UNC5D: variants seen among roughly 807,000 people sequenced by gnomAD.
UNC5D encodes netrin receptor UNC5D.
In UNC5D, 39 loss-of-function variants were observed where a neutral mutation model predicts 105.4. The observed-to-expected ratio is 0.37, with a 90% CI of 0.29 to 0.48. The LOEUF is 0.48. Among genes scored for constraint, UNC5D ranks in the 20% least tolerant of loss-of-function variants. UNC5D has a pLI of 0.98. For missense variants in UNC5D, 991 were observed against 1,202.4 expected (o/e 0.82, Z 2.60); for synonymous variants, 452 against 450.4 (o/e 1.00, Z -0.04).
chr8:35,270,887 TA>T (rs1805233315), intron 1 of UNC5D, among the ~76,000 whole-genome samples: 1 of 150,758 alleles, frequency 6.6e-6, no homozygotes, highest in Non-Finnish European at 1.5e-5. Flanking sequence ...AATCACTATT[TA>T]TTTCTTTAAC....
chr8:35,715,753 G>A (rs1327903812), intron 8 of UNC5D, among the ~76,000 whole-genome samples: 1 of 151,756 alleles, frequency 6.6e-6, no homozygotes, highest in Non-Finnish European at 1.5e-5. Flanking sequence ...AGAGAATAAT[G>A]AATGAGGCCA....
At chr8:35,694,815 A>G (rs923394276) in intron 7 of UNC5D, among the ~76,000 whole-genome samples, 10 of 152,084 alleles carry the variant, frequency 6.6e-5, no homozygotes, top group African/African-American at 2.4e-4. Context: ...TCCTGGGTTC[A>G]AGTGATCCTC....
intron 4 of UNC5D, among the ~76,000 whole-genome samples, chr8:35,618,900 C>T (rs1205384275): frequency 6.6e-6 from 1 of 152,122 alleles, no homozygotes; most frequent in Non-Finnish European, 1.5e-5. Flanking sequence ...CACATTACTC[C>T]CTGCCCCTCC....
intron 1 of UNC5D, among the ~76,000 whole-genome samples, chr8:35,400,225 C>CA (rs1804369534): frequency 6.8e-6 from 1 of 148,116 alleles, no homozygotes; most frequent in African/African-American, 2.5e-5. Flanking sequence ...AGTTGAGATC[C>CA]TTTTTTTTTT....
At chr8:35,414,128 T>C (rs1805383173) in intron 1 of UNC5D, among the ~76,000 whole-genome samples, 1 of 152,136 alleles carries the variant, frequency 6.6e-6, no homozygotes, top group Non-Finnish European at 1.5e-5. Context: ...AATTCTACTG[T>C]TTAATTTTTT....
intron 16 of UNC5D, among the ~76,000 whole-genome samples, chr8:35,784,473 G>A (rs936520917): frequency 1.8e-4 from 27 of 152,260 alleles, no homozygotes; most frequent in Middle Eastern, 3.4e-3. Flanking sequence ...TTTAGGCCAG[G>A]CACGACAGCT....
chr8:35,613,453 TAGC>T (rs1820826143), intron 4 of UNC5D, among the ~76,000 whole-genome samples: 1 of 152,222 alleles, frequency 6.6e-6, no homozygotes, highest in Admixed American at 6.5e-5. Context: ...TCTGGCCAAT[TAGC>T]AGCCTCACCT....
intron 1 of UNC5D, among the ~76,000 whole-genome samples, chr8:35,356,986 G>A (rs1485800283): frequency 6.6e-6 from 1 of 152,070 alleles, no homozygotes. Context: ...ATTTCTAGAA[G>A]TTTTCATTTA....
intron 1 of UNC5D, among the ~76,000 whole-genome samples, chr8:35,364,836 ATGCT>A (rs1413389894): frequency 6.6e-6 from 1 of 152,204 alleles, no homozygotes; most frequent in Non-Finnish European, 1.5e-5. Flanking sequence ...TATAAATGAT[ATGCT>A]TGCTTATTTG....
Position 35,442,221 on chromosome 8 carries a change from T to G in UNC5D, c.104-107071T>G, listed in dbSNP as rs192955703. On this transcript the variant is annotated intron_variant, in intron 1 of 16. Coordinates refer to ENST00000404895, the MANE Select transcript of UNC5D (RefSeq NM_080872.4). ...TTATTGAAGGTAGGTGAGAGTTACA[T>G]GTGTCTTCCTTCATAACCTTGCTGC... Among the ~76,000 whole-genome samples the G allele has an allele frequency of 5.1e-3, 773 of 152,078 alleles. 4 individuals carry two copies. The highest frequency in any genetic ancestry group is 8.6e-3 in the Non-Finnish European group (585 of 67,918).
At chr8:35,251,938 A>C (rs935663291) in intron 1 of UNC5D, among the ~76,000 whole-genome samples, 2 of 151,754 alleles carry the variant, frequency 1.3e-5, no homozygotes, top group Non-Finnish European at 2.9e-5. Context: ...CACCTTTGCC[A>C]TTGTAGGAAA....
intron 1 of UNC5D, among the ~76,000 whole-genome samples, chr8:35,336,425 T>A (rs1811047360): frequency 6.6e-6 from 1 of 152,210 alleles, no homozygotes; most frequent in African/African-American, 2.4e-5. Flanking sequence ...TGGAAATCAT[T>A]GTTAATTATG....
At chr8:35,778,831 T>C (rs559669592) in intron 16 of UNC5D, among the ~76,000 whole-genome samples, 1 of 152,222 alleles carries the variant, frequency 6.6e-6, no homozygotes, top group Non-Finnish European at 1.5e-5. Context: ...ATAATATGCC[T>C]TTTTGCCAAT....
At chr8:35,464,922 C>A (rs1022015929) in intron 1 of UNC5D, among the ~76,000 whole-genome samples, 6 of 152,182 alleles carry the variant, frequency 3.9e-5, no homozygotes, top group African/African-American at 1.4e-4. Flanking sequence ...TCTGCCTTTA[C>A]AGTGATTTTC....
Position 35,544,266 on chromosome 8 carries a change from A to C in UNC5D, c.104-5026A>C, listed in dbSNP as rs1815481947. The C allele has an allele frequency of 1.4e-5, 15 of 1,103,958 alleles. No homozygotes were observed. In the South Asian group the frequency reaches 2.6e-4, roughly 19 times the overall value. 68.4% of individuals were successfully genotyped at this position (1,103,958 alleles called of 1,614,324 possible). On this transcript the variant is annotated intron_variant, in intron 1 of 16. Coordinates refer to ENST00000404895, the MANE Select transcript of UNC5D (RefSeq NM_080872.4). The stretch of plus-strand genomic sequence containing the variant: ...TTAGCCTACCAAGGCTCTTTCCTGA[A>C]CAGCTGATGGCATTAGGATTTAATT...
At chr8:35,298,863 T>C (rs1255819854) in intron 1 of UNC5D, among the ~76,000 whole-genome samples, 1 of 152,190 alleles carries the variant, frequency 6.6e-6, no homozygotes, top group Admixed American at 6.5e-5. Context: ...ATTAACAAAG[T>C]GATTAGGTTA....
chr8:35,409,313 C>G (rs1043959290), intron 1 of UNC5D, among the ~76,000 whole-genome samples: 4 of 152,012 alleles, frequency 2.6e-5, no homozygotes, highest in African/African-American at 7.2e-5. Flanking sequence ...GCAACTCTCT[C>G]CCAAAGAGGC....
chr8:35,401,471 A>G (rs10954987), intron 1 of UNC5D, among the ~76,000 whole-genome samples: 81,033 of 152,024 alleles, frequency 0.53, 22,381 homozygotes, highest in East Asian at 0.71. Context: ...ACAACAGAGC[A>G]GGACTCCATC....
At chr8:35,273,226 A>C (rs1161315857) in intron 1 of UNC5D, among the ~76,000 whole-genome samples, 1 of 152,236 alleles carries the variant, frequency 6.6e-6, no homozygotes, top group East Asian at 1.9e-4. Flanking sequence ...CCCAGACACA[A>C]CACCAAATAA....
Sources: gnomAD v4.1 joint callset for allele counts (sites outside exome capture counted in the v4.1 genomes callset) on GRCh38, gnomAD v4.1.1 for gene constraint, MANE v1.5 for transcripts, NCBI Gene and HGNC (gene_info 2026-07-23, HGNC 2026-07-21) for gene names.